The following TRIM58 variants were observed in gnomAD, a reference collection of about 807,000 sequenced individuals.
The protein encoded by TRIM58 is tripartite motif containing 58, also known as E3 ubiquitin-protein ligase TRIM58.
A neutral mutation model predicts 34.1 loss-of-function variants in TRIM58; 38 were observed. The observed-to-expected ratio is 1.12, with a 90% confidence interval of 0.86 to 1.46. The LOEUF (loss-of-function observed/expected upper bound fraction) is 1.46. TRIM58 is among the 40% of genes most tolerant of loss of function. The pLI, the probability that TRIM58 is intolerant of heterozygous loss-of-function variation, is 0.00. For synonymous variants in TRIM58, 273 were observed against 275.7 expected, an observed-to-expected ratio of 0.99 and a Z score of 0.10; for missense variants, 677 against 642.0, an observed-to-expected ratio of 1.05 and a Z score of -0.59.
At chr1:247,871,929 C>T (rs189899598) in intron 5 of TRIM58, among the ~76,000 whole-genome samples, 1 of 152,262 alleles carries the variant, frequency 6.6e-6, no homozygotes, top group Admixed American at 6.5e-5. Context: ...GGAAAGACCC[C>T]GCCCTGCAGG....
chr1:247,872,795 G>A (rs1474928519), intron 5 of TRIM58, among the ~76,000 whole-genome samples: 1 of 152,186 alleles, frequency 6.6e-6, no homozygotes, highest in Non-Finnish European at 1.5e-5. Flanking sequence ...GGTGGTGGTG[G>A]AGGAGAAGAG....
Position 247,858,622 on chromosome 1 carries a change from C to G in TRIM58, c.420+956C>G, listed in dbSNP as rs570216409. Among the ~76,000 whole-genome samples the G allele has an allele frequency of 7.9e-5, 12 of 151,978 alleles. No individual in the cohort carries two copies. In the South Asian group the frequency reaches 8.3e-4, roughly 11 times the overall value. ...CCCTTCCTTCTCTACCAATATCTCT[C>G]TTGGTATTTCTTCTTGATTTTCGTT... On this transcript the variant is annotated intron_variant, in intron 1 of 5. Coordinates refer to ENST00000366481, the MANE Select transcript of TRIM58 (RefSeq NM_015431.4).
At chr1:247,859,675 A>C (rs1210482287) in intron 1 of TRIM58, among the ~76,000 whole-genome samples, 4 of 152,198 alleles carry the variant, frequency 2.6e-5, no homozygotes, top group Middle Eastern at 3.4e-3. Context: ...TGACCTAATA[A>C]TACTACTAAT....
Position 247,878,491 on chromosome 1 carries a change from G to A in TRIM58, c.*2002G>A, listed in dbSNP as rs1659340624. On this transcript the variant is annotated 3_prime_UTR_variant, in exon 6 of 6. Transcript: ENST00000366481. The stretch of plus-strand genomic sequence containing the variant: ...TCTCTGTGATAGATTTGCAAACAGA[G>A]GAAATAACGCATCCTCGTGTCCCTC... Among the ~76,000 whole-genome samples, 1 of 152,136 alleles carries A rather than the reference G, an allele frequency of 6.6e-6. No individual in the cohort carries two copies. Among genetic ancestry groups the A allele is most frequent in the Admixed American group, 6.5e-5 (1 of 15,268 alleles).
At position 247,878,935 on chromosome 1, in the gene TRIM58, C is replaced by T. The variant is rs1384960487; in HGVS notation, c.*2446C>T. 6.6e-6 allele frequency among the ~76,000 whole-genome samples: 1 copy of T among 152,158 alleles called. No homozygotes were observed. Among genetic ancestry groups the T allele is most frequent in the African/African-American group, 2.4e-5 (1 of 41,416 alleles). On this transcript the variant is annotated 3_prime_UTR_variant, in exon 6 of 6. Coordinates refer to ENST00000366481, the MANE Select transcript of TRIM58 (RefSeq NM_015431.4). ...CTCCTGTAATGACTCTTCTCTTTCCCTTTCCAACTCCTGAAAGATTGCCAC... is the reference window on the plus strand; with the variant it reads ...CTCCTGTAATGACTCTTCTCTTTCCTTTTCCAACTCCTGAAAGATTGCCAC...
At chr1:247,872,168 GA>G (rs907463118) in intron 5 of TRIM58, among the ~76,000 whole-genome samples, 3 of 152,218 alleles carry the variant, frequency 2.0e-5, no homozygotes, top group Non-Finnish European at 2.9e-5. Flanking sequence ...GGACATAGTT[GA>G]AAGTTGTACC....
intron 5 of TRIM58, among the ~76,000 whole-genome samples, chr1:247,870,261 C>A (rs1479946022): frequency 6.6e-6 from 1 of 152,154 alleles, no homozygotes; most frequent in African/African-American, 2.4e-5. Context: ...TGGGAGAGTG[C>A]ACCATGCCCA....
chr1:247,857,700 G>A, intron 1 of TRIM58, 34 bp downstream of exon 1: 1 of 1,214,384 alleles, frequency 8.2e-7, no homozygotes, highest in Non-Finnish European at 1.0e-6. Context: ...TGCGGGCGCT[G>A]CGGTGACCGG....
intron 5 of TRIM58, among the ~76,000 whole-genome samples, chr1:247,868,981 C>G (rs1446531936): frequency 6.6e-6 from 1 of 152,146 alleles, no homozygotes; most frequent in Non-Finnish European, 1.5e-5. Flanking sequence ...CTCACTGCAA[C>G]CTCCACCTCC....
At chr1:247,863,537 C>CA (rs1419210529) in intron 2 of TRIM58, among the ~76,000 whole-genome samples, 4 of 145,336 alleles carry the variant, frequency 2.8e-5, no homozygotes, top group East Asian at 2.0e-4. Flanking sequence ...GACTCTGTCT[C>CA]AAAAAAAAGA....
In TRIM58 at chr1:247,857,191, A is replaced by G; in HGVS notation, c.-56A>G. The G allele has an allele frequency of 1.5e-6, 2 of 1,298,486 alleles. No individual in the cohort carries two copies. The highest frequency in any genetic ancestry group is 2.4e-5 in the South Asian group (1 of 41,708). 80.4% of individuals were successfully genotyped at this position (1,298,486 alleles called of 1,614,324 possible). A position where few individuals can be genotyped will look rare whatever the true frequency, so the allele number is the denominator to read the frequency against. ...GGCGTGGGCTCCTCCCCCTGTGCAG[A>G]CCGCGAGGGGAGACGGTGCGGGCGG... On this transcript the variant is annotated 5_prime_UTR_variant, in exon 1 of 6. Transcript: ENST00000366481.
At chr1:247,873,435 C>T (rs112151648) in intron 5 of TRIM58, among the ~76,000 whole-genome samples, 1,765 of 152,158 alleles carry the variant, frequency 0.012, 33 homozygotes, top group African/African-American at 0.04. Context: ...GACCACTGTG[C>T]CGGAAGAGGA....
intron 5 of TRIM58, among the ~76,000 whole-genome samples, chr1:247,868,415 A>G (rs1200706701): frequency 6.6e-6 from 1 of 152,180 alleles, no homozygotes; most frequent in Non-Finnish European, 1.5e-5. Context: ...TCTCTTCCAG[A>G]GTCAATACAA....
intron 3 of TRIM58, among the ~76,000 whole-genome samples, chr1:247,865,181 G>A (rs1363055618): frequency 6.6e-6 from 1 of 152,172 alleles, no homozygotes; most frequent in African/African-American, 2.4e-5. Flanking sequence ...TGTAGTCCCA[G>A]TTATTAGGGA....
At chr1:247,873,762 G>T (rs572682974) in intron 5 of TRIM58, among the ~76,000 whole-genome samples, 2 of 152,238 alleles carry the variant, frequency 1.3e-5, no homozygotes, top group East Asian at 1.9e-4. Context: ...GAACCCAGGA[G>T]TTCGAGACCA....
rs1261359998 is a variant in TRIM58 at position 247,876,323 on chromosome 1, A to G, written c.1295A>G (p.Tyr432Cys). The G allele has an allele frequency of 1.2e-6, 2 of 1,614,180 alleles. No individual in the cohort carries two copies. The highest frequency in any genetic ancestry group is 1.3e-5 in the African/African-American group (1 of 75,032). Reference sequence around the variant, plus strand: ...TTCTACAATGTCACAGATGGATCTTATATCTACACATTCAACCAACTCTTC... The same window carrying G: ...TTCTACAATGTCACAGATGGATCTTGTATCTACACATTCAACCAACTCTTC... ...ISFYNVTDGS[Y>C]IYTFNQLFSG... The change falls in exon 6 of 6, where the codon TAT (tyrosine) becomes TGT (cysteine). Residue 432 changes from tyrosine to cysteine, a missense_variant. Tyr to Cys is a radical substitution (Grantham distance 194, BLOSUM62 -2). Transcript: ENST00000366481.
In TRIM58 at chr1:247,876,501, C is replaced by T. The variant is rs1421659011; in HGVS notation, c.*12C>T. The T allele has an allele frequency of 1.2e-6, 2 of 1,604,722 alleles. No homozygotes were observed. Among genetic ancestry groups the T allele is most frequent in the Admixed American group, 1.7e-5 (1 of 59,714 alleles). On this transcript the variant is annotated 3_prime_UTR_variant, in exon 6 of 6. Transcript: ENST00000366481. ...ATGATCATCTCTAAAATTCTGTTCC[C>T]AAGATGCAGTCCTAGCGTAGCGAAC...
rs748270872 is a variant in TRIM58, at chr1:247,857,295, C to T, written c.49C>T (p.Pro17Ser). Residue 17 changes from proline to serine, a missense_variant, in exon 1 of 6, where the codon CCG becomes TCG. Coordinates refer to ENST00000366481, the MANE Select transcript of TRIM58 (RefSeq NM_015431.4). ...GERLREDARC[P>S]VCLDFLQEPV... The stretch of plus-strand genomic sequence containing the variant: ...GCGGCTGCGCGAGGATGCGCGGTGC[C>T]CGGTGTGCCTGGATTTCCTGCAGGA... The T allele has an allele frequency of 1.4e-6, 2 of 1,404,312 alleles. No homozygotes were observed. The highest frequency in any genetic ancestry group is 1.9e-6 in the Non-Finnish European group (2 of 1,070,896). The allele number at this position is 1,404,312 out of a possible 1,614,324, so 87.0% of individuals were successfully genotyped here.
chr1:247,857,870 C>A (rs1184750446), intron 1 of TRIM58, among the ~76,000 whole-genome samples: 1 of 152,148 alleles, frequency 6.6e-6, no homozygotes, highest in East Asian at 1.9e-4. Flanking sequence ...GCGACACACA[C>A]CCATTATTTT....
Sources: gnomAD v4.1 joint callset for allele counts (sites outside exome capture counted in the v4.1 genomes callset) on GRCh38, gnomAD v4.1.1 for gene constraint, MANE v1.5 for transcripts, NCBI Gene and HGNC (gene_info 2026-07-23, HGNC 2026-07-21) for gene names.